The following THSD7B variants were observed in gnomAD, a reference collection of about 807,000 sequenced individuals.
THSD7B encodes thrombospondin type 1 domain containing 7B.
In THSD7B, 138 loss-of-function variants were observed where a neutral mutation model predicts 213.6. The ratio of observed to expected loss-of-function variants is 0.65; its 90% CI spans 0.56 to 0.74. THSD7B has a LOEUF of 0.74. Ranked by LOEUF, THSD7B falls within the 30% of genes least tolerant of loss-of-function variation. THSD7B has a pLI of 0.00. For synonymous variants in THSD7B, 742 were observed against 687.0 expected (o/e 1.08, Z -1.25); for missense variants, 1,931 against 1,991.5 (o/e 0.97, Z 0.58).
At chr2:136,873,176 G>A (rs929241628) in intron 1 of THSD7B, among the ~76,000 whole-genome samples, 1 of 152,066 alleles carries the variant, frequency 6.6e-6, no homozygotes, top group Non-Finnish European at 1.5e-5. Context: ...TTTGTTAAGA[G>A]GTAGGAAACA....
chr2:136,931,315 A>G (rs1315034724), intron 2 of THSD7B, among the ~76,000 whole-genome samples: 2 of 152,204 alleles, frequency 1.3e-5, no homozygotes, highest in Non-Finnish European at 2.9e-5. Flanking sequence ...GAATTTTACA[A>G]TTGAGGAAAT....
In THSD7B at chr2:137,669,668, AGTGTAAGGTAATTAGATAGTCTATC is replaced by A. The variant is rs555632512; in HGVS notation, c.4739+1809_4739+1833del. 4.7e-4 allele frequency among the ~76,000 whole-genome samples: 71 copies of A among 152,348 alleles called. No homozygotes were observed. The East Asian group carries it at 0.013, about 29-fold the overall frequency. ...TTCAAAGCAATCAGTAGGCCAACCC[AGTGTAAGGTAATTAGATAGTCTATC>A]GGTCTATAAAAGCTTAGATGAATTC... On this transcript the variant is annotated intron_variant, in intron 27 of 27. Transcript: ENST00000409968.
At chr2:137,246,877 C>T (rs764811742) in intron 10 of THSD7B, among the ~76,000 whole-genome samples, 5 of 152,032 alleles carry the variant, frequency 3.3e-5, no homozygotes, top group Non-Finnish European at 7.4e-5. Context: ...CTTATTGCAA[C>T]ATTTCTCAGC....
intron 20 of THSD7B, among the ~76,000 whole-genome samples, chr2:137,639,478 G>T (rs992028214): frequency 6.6e-6 from 1 of 152,188 alleles, no homozygotes; most frequent in Non-Finnish European, 1.5e-5. Context: ...TGGGGTCGGA[G>T]CCCCCACACA....
intron 15 of THSD7B, among the ~76,000 whole-genome samples, chr2:137,547,616 A>T (rs943867372): frequency 6.6e-6 from 1 of 152,054 alleles, no homozygotes; most frequent in African/African-American, 2.4e-5. Flanking sequence ...CTCCTATTAC[A>T]GCAAACTCAT....
At chr2:137,328,871 G>A (rs916442353) in intron 12 of THSD7B, among the ~76,000 whole-genome samples, 2 of 152,174 alleles carry the variant, frequency 1.3e-5, no homozygotes, top group African/African-American at 2.4e-5. Context: ...GTGAAGAGGT[G>A]CCTTCTTCTA....
chr2:137,121,753 T>C (rs1688551246), intron 5 of THSD7B, among the ~76,000 whole-genome samples: 1 of 152,226 alleles, frequency 6.6e-6, no homozygotes, highest in Non-Finnish European at 1.5e-5. Flanking sequence ...ACTCTTCATG[T>C]AAAAGGCAAA....
intron 2 of THSD7B, among the ~76,000 whole-genome samples, chr2:137,001,306 T>C (rs1284001421): frequency 6.6e-6 from 1 of 152,134 alleles, no homozygotes; most frequent in Non-Finnish European, 1.5e-5. Flanking sequence ...GAAGAAACTA[T>C]AAACAGACTA....
intron 17 of THSD7B, among the ~76,000 whole-genome samples, chr2:137,608,022 T>C (rs1682216654): frequency 6.6e-6 from 1 of 152,224 alleles, no homozygotes; most frequent in African/African-American, 2.4e-5. Flanking sequence ...GATGATATCA[T>C]AGCTTTTGCC....
At chr2:137,212,628 C>A (rs889572420) in intron 7 of THSD7B, among the ~76,000 whole-genome samples, 2 of 150,948 alleles carry the variant, frequency 1.3e-5, no homozygotes, top group East Asian at 3.9e-4. Context: ...CGAAGGTAGG[C>A]CTCATCTCTA....
chr2:137,174,421 A>G (rs929148753), intron 7 of THSD7B, among the ~76,000 whole-genome samples: 7 of 152,176 alleles, frequency 4.6e-5, no homozygotes, highest in South Asian at 2.1e-4. Flanking sequence ...TATATAATCT[A>G]TGTCACATTG....
chr2:137,580,215 AT>A (rs1284989805), intron 17 of THSD7B, among the ~76,000 whole-genome samples: 3 of 152,306 alleles, frequency 2.0e-5, no homozygotes, highest in South Asian at 2.1e-4. Context: ...TGTTAAAAAA[AT>A]ATTCGCAAGA....
intron 1 of THSD7B, among the ~76,000 whole-genome samples, chr2:136,803,153 C>CCA (rs146711911): frequency 2.3e-4 from 34 of 150,716 alleles, no homozygotes; most frequent in African/African-American, 6.6e-4. Flanking sequence ...ATAAATACAC[C>CCA]CACACACACA....
At chr2:137,404,310 A>T (rs1019409507) in intron 12 of THSD7B, among the ~76,000 whole-genome samples, 4 of 151,216 alleles carry the variant, frequency 2.6e-5, no homozygotes, top group African/African-American at 9.7e-5. Flanking sequence ...AGAGGAAAAG[A>T]AGTCATTATT....
intron 1 of THSD7B, among the ~76,000 whole-genome samples, chr2:136,839,315 T>C (rs1682887328): frequency 6.6e-6 from 1 of 152,200 alleles, no homozygotes; most frequent in Non-Finnish European, 1.5e-5. Context: ...CTCCAGCCTC[T>C]GCTAATGAGA....
At chr2:137,037,213 T>C (rs539909949) in intron 2 of THSD7B, among the ~76,000 whole-genome samples, 3 of 152,192 alleles carry the variant, frequency 2.0e-5, no homozygotes, top group Non-Finnish European at 4.4e-5. Context: ...CTACATTTTC[T>C]ACATAGCAGT....
rs150609629 is a variant in THSD7B at position 136,868,375 on chromosome 2, T to G, written c.-35-13769T>G. ...CCTGAATCTAATGGCAAATTACTAA[T>G]GGTCAATGCCTAGACATAATAAATA... On this transcript the variant is annotated intron_variant, in intron 1 of 27. Transcript: ENST00000409968. Among the ~76,000 whole-genome samples, 142 of 152,298 alleles carry G rather than the reference T, an allele frequency of 9.3e-4. 1 individual carries two copies. The East Asian group carries it at 0.026, about 28-fold the overall frequency.
intron 1 of THSD7B, among the ~76,000 whole-genome samples, chr2:136,877,744 C>T (rs1683547528): frequency 6.6e-6 from 1 of 152,068 alleles, no homozygotes; most frequent in Non-Finnish European, 1.5e-5. Context: ...GTGTTCAGCA[C>T]ATGGCCCAGC....
chr2:137,562,115 G>A (rs1289026598), intron 15 of THSD7B, among the ~76,000 whole-genome samples: 3 of 152,040 alleles, frequency 2.0e-5, no homozygotes, highest in Non-Finnish European at 2.9e-5. Context: ...GCCTTCCTTT[G>A]CATTTAGTAA....
Sources: allele counts gnomAD v4.1 joint callset (sites outside exome capture counted in the v4.1 genomes callset), GRCh38; gene constraint gnomAD v4.1.1; transcripts MANE v1.5; gene names NCBI Gene and HGNC (gene_info 2026-07-23, HGNC 2026-07-21).